Variants in TTBK2 observed in about 807,000 individuals in gnomAD.
TTBK2 encodes the protein tau-tubulin kinase 2.
Under a neutral mutation model 110.8 loss-of-function variants are expected in TTBK2, and 28 were observed. The observed-to-expected ratio is 0.25, with a 90% CI of 0.19 to 0.35. TTBK2 has a LOEUF of 0.35. Ranked by LOEUF, TTBK2 falls within the 10% of genes least tolerant of loss-of-function variation. TTBK2 has a pLI of 1.00. For missense variants in TTBK2, 1,369 were observed against 1,500.3 expected (o/e 0.91, Z 1.45); for synonymous variants, 532 against 527.3 (o/e 1.01, Z -0.12).
chr15:42,890,656 T>C (rs1895418443), intron 1 of TTBK2, among the ~76,000 whole-genome samples: 1 of 152,214 alleles, frequency 6.6e-6, no homozygotes, highest in South Asian at 2.1e-4. Context: ...TCCAAATTCC[T>C]GGCAGTGCTT....
intron 10 of TTBK2, among the ~76,000 whole-genome samples, chr15:42,788,700 T>C (rs1890512886): frequency 6.6e-6 from 1 of 152,246 alleles, no homozygotes; most frequent in South Asian, 2.1e-4. Flanking sequence ...GTTATTAGGA[T>C]CACTTCTCTT....
intron 9 of TTBK2, among the ~76,000 whole-genome samples, chr15:42,797,372 AAC>A (rs1380272646): frequency 2.6e-5 from 4 of 152,232 alleles, no homozygotes; most frequent in African/African-American, 7.2e-5. Flanking sequence ...TCAAATTAGA[AAC>A]AGTTTGTTAC....
intron 7 of TTBK2, among the ~76,000 whole-genome samples, chr15:42,816,188 C>A (rs1388311242): frequency 1.4e-5 from 2 of 139,730 alleles, no homozygotes; most frequent in Admixed American, 1.6e-4. Flanking sequence ...GCGATCTCAG[C>A]TTACCACAAC....
intron 11 of TTBK2, among the ~76,000 whole-genome samples, chr15:42,780,089 C>G (rs8042738): frequency 0.74 from 112,360 of 151,322 alleles, 42,472 homozygotes; most frequent in Middle Eastern, 0.86. Context: ...GTGGCGCAAA[C>G]TTGGCTCACT....
intron 1 of TTBK2, among the ~76,000 whole-genome samples, chr15:42,889,864 T>G (rs1427029984): frequency 6.6e-6 from 1 of 152,112 alleles, no homozygotes; most frequent in African/African-American, 2.4e-5. Context: ...TGAGAAACAT[T>G]GCCCATTATC....
chr15:42,794,257 G>A (rs114311497), intron 10 of TTBK2, among the ~76,000 whole-genome samples: 164 of 152,238 alleles, frequency 1.1e-3, no homozygotes, highest in African/African-American at 3.8e-3. Context: ...CACTTTAAGA[G>A]GAACATGTTA....
At chr15:42,912,346 C>T (rs2030809541) in intron 1 of TTBK2, among the ~76,000 whole-genome samples, 1 of 152,180 alleles carries the variant, frequency 6.6e-6, no homozygotes, top group Admixed American at 6.5e-5. Flanking sequence ...TAAACTCCTA[C>T]ATTTAGGAGG....
intron 6 of TTBK2, among the ~76,000 whole-genome samples, chr15:42,821,565 C>T (rs1278355052): frequency 6.6e-6 from 1 of 152,180 alleles, no homozygotes; most frequent in African/African-American, 2.4e-5. Flanking sequence ...TCAATCCCTC[C>T]CACCCCTAGT....
chr15:42,865,219 A>G (rs1177445628), intron 3 of TTBK2, among the ~76,000 whole-genome samples: 1 of 152,152 alleles, frequency 6.6e-6, no homozygotes, highest in Admixed American at 6.5e-5. Context: ...AGGTGGGTCA[A>G]TTGATGGAGG....
At chr15:42,874,775 C>G (rs1894749220) in intron 2 of TTBK2, among the ~76,000 whole-genome samples, 1 of 151,138 alleles carries the variant, frequency 6.6e-6, no homozygotes, top group African/African-American at 2.4e-5. Context: ...ATCATGAAGT[C>G]AGGAGTTTGA....
chr15:42,825,479 A>G (rs1170053574), intron 6 of TTBK2, among the ~76,000 whole-genome samples: 2 of 152,052 alleles, frequency 1.3e-5, no homozygotes, highest in African/African-American at 4.8e-5. Flanking sequence ...AGGAGGCCAA[A>G]GAGGGTGGAT....
intron 12 of TTBK2, among the ~76,000 whole-genome samples, chr15:42,776,507 T>C (rs576671478): frequency 1.4e-4 from 21 of 152,358 alleles, no homozygotes; most frequent in African/African-American, 4.3e-4. Flanking sequence ...TCTAGGTAGA[T>C]TGCAAACTCT....
At chr15:42,785,328 C>T (rs1372267999) in intron 10 of TTBK2, among the ~76,000 whole-genome samples, 1 of 151,988 alleles carries the variant, frequency 6.6e-6, no homozygotes, top group Non-Finnish European at 1.5e-5. Context: ...GCCATGTTGG[C>T]CAGGCTGGTC....
At chr15:42,917,729 A>C (rs2031159536) in intron 1 of TTBK2, among the ~76,000 whole-genome samples, 1 of 151,966 alleles carries the variant, frequency 6.6e-6, no homozygotes, top group Non-Finnish European at 1.5e-5. Flanking sequence ...AAATGTATTT[A>C]ATTTCAAAAA....
At chr15:42,811,832 A>T in intron 7 of TTBK2, 52 bp from the exon 8 acceptor site, 1 of 1,534,386 alleles carries the variant, frequency 6.5e-7, no homozygotes, top group East Asian at 2.3e-5. Flanking sequence ...TTGTGAGTAC[A>T]TTACATTGTT....
At chr15:42,763,188 ATATAT>A (rs1889173592) in intron 13 of TTBK2, among the ~76,000 whole-genome samples, 1 of 24,530 alleles carries the variant, frequency 4.1e-5, no homozygotes, top group African/African-American at 2.3e-4. Context: ...ATATATATAT[ATATAT>A]TTTTTTTTTT....
chr15:42,753,293 C>A (rs1446672316), intron 13 of TTBK2, 46 bp from the exon 14 acceptor site: 1 of 1,553,530 alleles, frequency 6.4e-7, no homozygotes. Context: ...TGTAAAATAT[C>A]AACAAAGATG....
chr15:42,871,806 T>A (rs1044667639), intron 3 of TTBK2, among the ~76,000 whole-genome samples: 13 of 152,298 alleles, frequency 8.5e-5, no homozygotes, highest in African/African-American at 2.9e-4. Context: ...GAGCTAAAAA[T>A]TACTATAAAA....
chr15:42,904,221 T>C (rs550720921), intron 1 of TTBK2, among the ~76,000 whole-genome samples: 2 of 152,236 alleles, frequency 1.3e-5, no homozygotes, highest in Non-Finnish European at 2.9e-5. Context: ...AAGTTTTGAA[T>C]AATTTGTTAT....
Sources: gnomAD v4.1 joint callset for allele counts (sites outside exome capture counted in the v4.1 genomes callset) on GRCh38, gnomAD v4.1.1 for gene constraint, MANE v1.5 for transcripts, NCBI Gene and HGNC (gene_info 2026-07-23, HGNC 2026-07-21) for gene names.